Variants in STK32B observed in about 807,000 individuals in gnomAD.
STK32B encodes the protein serine/threonine kinase 32B.
A neutral mutation model predicts 52.6 loss-of-function variants in STK32B; 43 were observed. The observed-to-expected ratio is 0.82, with a 90% CI of 0.64 to 1.05. The LOEUF is 1.05. Ranked by LOEUF, STK32B falls within the 50% of genes least tolerant of loss-of-function variation. The probability of loss-of-function intolerance (pLI) is 0.00; values close to 1 mark genes in which losing one functional copy is unlikely to be tolerated. For synonymous variants in STK32B, 238 were observed against 204.3 expected, an observed-to-expected ratio of 1.17 and a Z score of -1.41; for missense variants, 621 against 534.6, an observed-to-expected ratio of 1.16 and a Z score of -1.59.
chr4:5,025,941 C>G, the STK32B span, among the ~76,000 whole-genome samples: 1 of 152,216 alleles, frequency 6.6e-6, no homozygotes, highest in Non-Finnish European at 1.5e-5. Context: ...GTCTCTTTCT[C>G]TAACACAGCC....
In STK32B at chr4:5,317,085, T is replaced by TG. The variant is rs1731014572; in HGVS notation, c.261-14135_261-14134insG. 7.7e-5 allele frequency among the ~76,000 whole-genome samples: 3 copies of TG among 38,906 alleles called. 1 individual carries two copies. Among genetic ancestry groups the TG allele is most frequent in the African/African-American group, 4.9e-4 (3 of 6,120 alleles). 25.5% of individuals were successfully genotyped at this position (38,906 alleles called of 152,430 possible). On this transcript the variant is annotated intron_variant, in intron 3 of 11. Coordinates refer to ENST00000282908, the MANE Select transcript of STK32B (RefSeq NM_018401.3). ...GATATAATATATTATATATTATATATATAATATATATGATATAATATATAA... is the reference window on the plus strand; with the variant it reads ...GATATAATATATTATATATTATATATGATAATATATATGATATAATATATAA...
At chr4:5,129,996 T>A (rs1715650380) in intron 1 of STK32B, among the ~76,000 whole-genome samples, 1 of 151,994 alleles carries the variant, frequency 6.6e-6, no homozygotes, top group African/African-American at 2.4e-5. Context: ...GGAGTTGACA[T>A]CCCAAAGGAG....
intron 3 of STK32B, among the ~76,000 whole-genome samples, chr4:5,287,597 G>A (rs943078687): frequency 3.9e-5 from 6 of 151,920 alleles, no homozygotes; most frequent in Non-Finnish European, 7.4e-5. Flanking sequence ...AACTAGTGTC[G>A]TTCCTGCCCC....
chr4:5,293,038 G>T (rs2108885908), intron 3 of STK32B, among the ~76,000 whole-genome samples: 1 of 152,082 alleles, frequency 6.6e-6, no homozygotes, highest in East Asian at 1.9e-4. Flanking sequence ...GTGAACATTT[G>T]GTGTTTGGTT....
At chr4:5,117,011 G>A (rs980196601) in intron 1 of STK32B, among the ~76,000 whole-genome samples, 3 of 152,010 alleles carry the variant, frequency 2.0e-5, no homozygotes, top group Admixed American at 6.6e-5. Flanking sequence ...GCAACTTTAC[G>A]GAATTCATTT....
chr4:5,145,014 G>A (rs1345663768), intron 2 of STK32B, among the ~76,000 whole-genome samples: 1 of 152,214 alleles, frequency 6.6e-6, no homozygotes, highest in Non-Finnish European at 1.5e-5. Context: ...TAGTTTATGG[G>A]TGTACAGGGA....
intron 3 of STK32B, among the ~76,000 whole-genome samples, chr4:5,305,578 T>C (rs370559077): frequency 6.6e-6 from 1 of 152,146 alleles, no homozygotes; most frequent in Admixed American, 6.6e-5. Flanking sequence ...TTGAGCTTAT[T>C]TGGATCTCTT....
At chr4:5,303,025 G>C (rs1397011153) in intron 3 of STK32B, among the ~76,000 whole-genome samples, 1 of 151,252 alleles carries the variant, frequency 6.6e-6, no homozygotes, top group Non-Finnish European at 1.5e-5. Context: ...TGTATATGTG[G>C]GTGTGTGTGT....
chr4:5,165,060 C>T (rs1718765947), intron 2 of STK32B, among the ~76,000 whole-genome samples: 1 of 152,160 alleles, frequency 6.6e-6, no homozygotes, highest in Non-Finnish European at 1.5e-5. Flanking sequence ...GTGTAGCTCT[C>T]TTTGCTCTGT....
chr4:5,164,405 G>A (rs1388239421), intron 2 of STK32B, among the ~76,000 whole-genome samples: 1 of 152,072 alleles, frequency 6.6e-6, no homozygotes, highest in Non-Finnish European at 1.5e-5. Flanking sequence ...TTTGGTTTGG[G>A]CCCGTCCTAA....
At chr4:5,201,525 G>C (rs1050735968) in intron 3 of STK32B, among the ~76,000 whole-genome samples, 2 of 152,218 alleles carry the variant, frequency 1.3e-5, no homozygotes, top group African/African-American at 4.8e-5. Context: ...AAAGAAAGGA[G>C]AAGAGCAGAA....
chr4:5,144,519 G>GTTGT (rs1716751629), intron 2 of STK32B, among the ~76,000 whole-genome samples: 2 of 152,154 alleles, frequency 1.3e-5, no homozygotes, highest in Non-Finnish European at 2.9e-5. Flanking sequence ...TACTGGGACA[G>GTTGT]GCAGGGCTGT....
chr4:5,168,500 A>C, intron 3 of STK32B, 50 bp downstream of exon 3: 1 of 1,558,014 alleles, frequency 6.4e-7, no homozygotes, highest in Admixed American at 1.9e-5. Context: ...GTGGGGAGCC[A>C]AATGCAAATT....
intron 3 of STK32B, among the ~76,000 whole-genome samples, chr4:5,276,447 A>T (rs901549802): frequency 6.6e-6 from 1 of 152,056 alleles, no homozygotes; most frequent in Non-Finnish European, 1.5e-5. Context: ...TTCATTCTAG[A>T]CACTTCTTGG....
intron 5 of STK32B, among the ~76,000 whole-genome samples, chr4:5,405,379 A>G (rs1737589133): frequency 6.6e-6 from 1 of 152,120 alleles, no homozygotes; most frequent in Admixed American, 6.5e-5. Flanking sequence ...CACCCGTCAC[A>G]TCATCACTTC....
chr4:5,094,959 C>T (rs1310049114), intron 1 of STK32B, among the ~76,000 whole-genome samples: 7 of 152,184 alleles, frequency 4.6e-5, no homozygotes, highest in African/African-American at 1.4e-4. Context: ...GCTGCCAGGC[C>T]CTGCCCTGGG....
intron 3 of STK32B, among the ~76,000 whole-genome samples, chr4:5,328,217 G>C (rs1732002875): frequency 6.6e-6 from 1 of 152,168 alleles, no homozygotes; most frequent in African/African-American, 2.4e-5. Flanking sequence ...CAGCAATAAG[G>C]CTGTTTGGCT....
upstream of STK32B, among the ~76,000 whole-genome samples, chr4:5,047,375 G>T (rs1037012859): frequency 2.0e-5 from 3 of 151,822 alleles, no homozygotes; most frequent in Non-Finnish European, 4.4e-5. Flanking sequence ...TAGAGGAGGG[G>T]TCAATAGGTG....
intron 1 of STK32B, chr4:5,126,966 T>C: frequency 2.5e-6 from 1 of 399,212 alleles, no homozygotes; most frequent in East Asian, 7.3e-5. Flanking sequence ...TAGGTAATAG[T>C]TGGGATACTG....
Sources: gnomAD v4.1 joint callset for allele counts (sites outside exome capture counted in the v4.1 genomes callset) on GRCh38, gnomAD v4.1.1 for gene constraint, MANE v1.5 for transcripts, NCBI Gene and HGNC (gene_info 2026-07-23, HGNC 2026-07-21) for gene names.